DHRSX: variants seen among roughly 807,000 people sequenced by gnomAD.
DHRSX encodes the protein polyprenol dehydrogenase.
Under a neutral mutation model 34.0 loss-of-function variants are expected in DHRSX, and 31 were observed. The ratio of observed to expected loss-of-function variants is 0.91; its 90% CI spans 0.69 to 1.23. DHRSX has a LOEUF of 1.23. Among genes scored for constraint, DHRSX ranks in the 50% most tolerant of loss-of-function variants. DHRSX has a pLI of 0.00. For synonymous variants in DHRSX, 201 were observed against 183.8 expected, an observed-to-expected ratio of 1.09 and a Z score of -0.76; for missense variants, 414 against 428.1, an observed-to-expected ratio of 0.97 and a Z score of 0.29.
Position 2,284,103 on chromosome X carries a change from C to T in DHRSX, c.388+7399G>A, listed in dbSNP as rs191102288. ...ATTCATTCCTTCATTTGAATTTATTCATTCCCTTGAATTCATTCAGATTCA... is the reference window on the plus strand; with the variant it reads ...ATTCATTCCTTCATTTGAATTTATTTATTCCCTTGAATTCATTCAGATTCA... On this transcript the variant is annotated intron_variant, in intron 4 of 6. Coordinates refer to ENST00000334651, the MANE Select transcript of DHRSX (RefSeq NM_145177.3). Among the ~76,000 whole-genome samples, 418 of 152,236 alleles carry T rather than the reference C, an allele frequency of 2.7e-3. 3 individuals carry two copies. The highest frequency in any genetic ancestry group is 9.5e-3 in the African/African-American group (396 of 41,554).
chrX:2,271,040 G>A (rs2041546649), intron 4 of DHRSX, among the ~76,000 whole-genome samples: 1 of 152,184 alleles, frequency 6.6e-6, no homozygotes, highest in Admixed American at 6.5e-5. Context: ...GCCAGCTTGT[G>A]TCCCCTTCCA....
At chrX:2,363,839 G>A (rs1357865294) in intron 3 of DHRSX, among the ~76,000 whole-genome samples, 1 of 152,028 alleles carries the variant, frequency 6.6e-6, no homozygotes, top group Non-Finnish European at 1.5e-5. Flanking sequence ...TAACACATCA[G>A]CATCGAAGGA....
At chrX:2,371,358 C>CT (rs2043061113) in intron 3 of DHRSX, among the ~76,000 whole-genome samples, 3 of 138,460 alleles carry the variant, frequency 2.2e-5, no homozygotes, top group Admixed American at 1.4e-4. Context: ...ATAGTCCCTC[C>CT]TCCCATTACT....
rs766556858 is a variant in DHRSX, at chrX:2,472,459, C to A, written c.109+28358G>T. ...GCAATTTACCCGTGTAATGAACCTGCACACGTGCCCCTGAACCTGAAAGTT... is the reference window on the plus strand; with the variant it reads ...GCAATTTACCCGTGTAATGAACCTGAACACGTGCCCCTGAACCTGAAAGTT... On this transcript the variant is annotated intron_variant, in intron 1 of 6. Coordinates refer to ENST00000334651, the MANE Select transcript of DHRSX (RefSeq NM_145177.3). Among the ~76,000 whole-genome samples, 111 of 152,220 alleles carry A rather than the reference C, an allele frequency of 7.3e-4. 1 individual carries two copies. Among genetic ancestry groups the A allele is most frequent in the African/African-American group, 2.6e-3 (108 of 41,520 alleles).
At position 2,243,788 on chromosome X, in the gene DHRSX, G is replaced by GTTT. The variant is rs778957532; in HGVS notation, c.597-561_597-559dup. On this transcript the variant is annotated intron_variant, in intron 5 of 6. Transcript: ENST00000334651. ...ACAGGCAGGAGCCACTATGCTCCCTGTTTTTTTTTTTTTTTTTTTTTTTTT... is the reference window on the plus strand; with the variant it reads ...ACAGGCAGGAGCCACTATGCTCCCTGTTTTTTTTTTTTTTTTTTTTTTTTTTTT... Among the ~76,000 whole-genome samples, 73 of 25,140 alleles carry GTTT rather than the reference G, an allele frequency of 2.9e-3. 3 individuals carry two copies. Among genetic ancestry groups the GTTT allele is most frequent in the East Asian group, 5.8e-3 (3 of 514 alleles). The allele number at this position is 25,140 out of a possible 152,430, so 16.5% of individuals were successfully genotyped here. A position where few individuals can be genotyped will look rare whatever the true frequency, so the allele number is the denominator to read the frequency against.
At chrX:2,321,794 C>G (rs1242983955) in intron 3 of DHRSX, among the ~76,000 whole-genome samples, 3 of 152,078 alleles carry the variant, frequency 2.0e-5, no homozygotes, top group African/African-American at 4.8e-5. Context: ...GCATTTTCTT[C>G]TACCTCTGCC....
At chrX:2,366,318 G>A (rs867958394) in intron 3 of DHRSX, among the ~76,000 whole-genome samples, 2 of 152,028 alleles carry the variant, frequency 1.3e-5, no homozygotes, top group African/African-American at 2.4e-5. Context: ...GGGCATGGCT[G>A]TAATCCCAGC....
intron 3 of DHRSX, among the ~76,000 whole-genome samples, chrX:2,369,356 C>G (rs1213159102): frequency 1.3e-5 from 2 of 152,192 alleles, no homozygotes; most frequent in Non-Finnish European, 2.9e-5. Flanking sequence ...AGCAAATGAA[C>G]TCTGATTTTG....
chrX:2,417,703 T>A (rs1466047632), intron 2 of DHRSX, among the ~76,000 whole-genome samples: 2 of 152,030 alleles, frequency 1.3e-5, no homozygotes, highest in African/African-American at 4.8e-5. Flanking sequence ...CACATCACCA[T>A]GATCTGATCC....
At chrX:2,375,592 C>T (rs1167625916) in intron 3 of DHRSX, among the ~76,000 whole-genome samples, 2 of 135,736 alleles carry the variant, frequency 1.5e-5, no homozygotes, top group African/African-American at 2.5e-5. Flanking sequence ...GAGAACGGCT[C>T]GATGGGATGG....
chrX:2,418,651 A>G (rs2043728542), intron 2 of DHRSX, among the ~76,000 whole-genome samples: 1 of 152,176 alleles, frequency 6.6e-6, no homozygotes, highest in Admixed American at 6.6e-5. Flanking sequence ...TTCAACCTTG[A>G]GGGTCTCTCT....
chrX:2,459,571 T>C (rs886640641), intron 1 of DHRSX, among the ~76,000 whole-genome samples: 16 of 146,008 alleles, frequency 1.1e-4, no homozygotes, highest in African/African-American at 3.9e-4. Context: ...TATATATATA[T>C]ATATATATAC....
chrX:2,386,144 TATAG>T (rs1287748733), intron 3 of DHRSX, among the ~76,000 whole-genome samples: 2 of 148,992 alleles, frequency 1.3e-5, no homozygotes, highest in Non-Finnish European at 3.0e-5. Flanking sequence ...GGAAAAAGTA[TATAG>T]ATAATCAATT....
chrX:2,444,680 TA>T (rs1229499267), intron 1 of DHRSX, among the ~76,000 whole-genome samples: 3 of 151,792 alleles, frequency 2.0e-5, no homozygotes, highest in African/African-American at 7.3e-5. Flanking sequence ...ATAATTTTTT[TA>T]AAAACTTGCC....
rs777995148 is a variant in DHRSX at position 2,436,988 on chromosome X, C to A, written c.110-11684G>T. Among the ~76,000 whole-genome samples, 6 of 152,062 alleles carry A rather than the reference C, an allele frequency of 3.9e-5. No homozygotes were observed. In the South Asian group the frequency reaches 1.2e-3, roughly 32 times the overall value. ...GAACTTTACTTTCATGTTTGGTATA[C>A]ACTGCCTTGAATCCTTTCTCTTTTT... On this transcript the variant is annotated intron_variant, in intron 1 of 6. Coordinates refer to ENST00000334651, the MANE Select transcript of DHRSX (RefSeq NM_145177.3).
chrX:2,258,544 G>A (rs1259484285), intron 5 of DHRSX, among the ~76,000 whole-genome samples: 5 of 151,990 alleles, frequency 3.3e-5, no homozygotes, highest in Non-Finnish European at 7.4e-5. Flanking sequence ...GGGAGAAGAC[G>A]GTGTCTACAA....
At chrX:2,406,966 C>T (rs1469479797) in intron 3 of DHRSX, among the ~76,000 whole-genome samples, 1 of 152,160 alleles carries the variant, frequency 6.6e-6, no homozygotes, top group Non-Finnish European at 1.5e-5. Context: ...GCCTGCATTC[C>T]TATGTGCATT....
At chrX:2,346,989 T>C (rs993542992) in intron 3 of DHRSX, among the ~76,000 whole-genome samples, 2 of 152,224 alleles carry the variant, frequency 1.3e-5, no homozygotes, top group African/African-American at 2.4e-5. Flanking sequence ...TCATTCTTTT[T>C]TATGGCTGCA....
intron 5 of DHRSX, among the ~76,000 whole-genome samples, chrX:2,254,225 G>A: frequency 6.6e-6 from 1 of 152,276 alleles, no homozygotes. Context: ...ACTTTGAGAG[G>A]TACTTGTGTA....
Sources: allele counts gnomAD v4.1 joint callset (sites outside exome capture counted in the v4.1 genomes callset), GRCh38; gene constraint gnomAD v4.1.1; transcripts MANE v1.5; gene names NCBI Gene and HGNC (gene_info 2026-07-23, HGNC 2026-07-21).